GRM4: variants seen among roughly 807,000 people sequenced by gnomAD.
GRM4 encodes the protein metabotropic glutamate receptor 4.
Under a neutral mutation model 81.7 loss-of-function variants are expected in GRM4, and 28 were observed. That is an observed-to-expected ratio of 0.34 (90% CI 0.25 to 0.47). The LOEUF is 0.47. GRM4 is among the 20% of genes least tolerant of loss of function. The pLI is 1.00. For missense variants in GRM4, 948 were observed against 1,290.0 expected, an observed-to-expected ratio of 0.73 and a Z score of 4.06; for synonymous variants, 488 against 528.8, an observed-to-expected ratio of 0.92 and a Z score of 1.06.
At chr6:34,096,421 C>G (rs917501306) in intron 2 of GRM4, among the ~76,000 whole-genome samples, 5 of 152,238 alleles carry the variant, frequency 3.3e-5, no homozygotes, top group Non-Finnish European at 5.9e-5. Flanking sequence ...TAGCCTCCCA[C>G]AGCACTGAAT....
Position 34,114,757 on chromosome 6 carries a change from T to A in GRM4, c.519+18221A>T, listed in dbSNP as rs79044321. Among the ~76,000 whole-genome samples the A allele has an allele frequency of 0.017, 2,592 of 152,116 alleles. 57 individuals carry two copies. The highest frequency in any genetic ancestry group is 0.048 in the African/African-American group (2,003 of 41,476). On this transcript the variant is annotated intron_variant, in intron 2 of 10. Coordinates refer to ENST00000538487, the MANE Select transcript of GRM4 (RefSeq NM_000841.4). The surrounding 1 kb of genome is among the most constrained non-coding windows in gnomAD (Gnocchi z 4.3). The stretch of plus-strand genomic sequence containing the variant: ...TCCTCTGAGCCCCTAGACCCTCACC[T>A]GTACCCCCTCACAGCCCTCCCATAC...
rs1769382621 is a variant in GRM4, at chr6:34,111,498, CT to C, written c.520-19400del. Among the ~76,000 whole-genome samples, 1 of 152,238 alleles carries C rather than the reference CT, an allele frequency of 6.6e-6. No homozygotes were observed. Among genetic ancestry groups the C allele is most frequent in the Admixed American group, 6.5e-5 (1 of 15,286 alleles). On this transcript the variant is annotated intron_variant, in intron 2 of 10. Transcript: ENST00000538487. The surrounding 1 kb of genome is among the most constrained non-coding windows in gnomAD (Gnocchi z 5.1). Reference sequence around the variant, plus strand: ...ACAAGAGAGTGTTCATAACCCACCCCTGATCTTGCCATCCTGCCCAGCTGCC... The same window carrying C: ...ACAAGAGAGTGTTCATAACCCACCCCGATCTTGCCATCCTGCCCAGCTGCC...
chr6:34,051,568 G>A (rs575599975), intron 6 of GRM4, among the ~76,000 whole-genome samples: 1 of 152,268 alleles, frequency 6.6e-6, no homozygotes, highest in African/African-American at 2.4e-5. Flanking sequence ...CTGTCAAAAA[G>A]ACGGATGCCA....
Position 34,078,334 on chromosome 6 carries a change from C to G in GRM4, c.736+13549G>C, listed in dbSNP as rs1029378541. Among the ~76,000 whole-genome samples the G allele has an allele frequency of 6.6e-6, 1 of 152,096 alleles. No individual in the cohort carries two copies. The highest frequency in any genetic ancestry group is 1.5e-5 in the Non-Finnish European group (1 of 68,016). On this transcript the variant is annotated intron_variant, in intron 3 of 10. Transcript: ENST00000538487. This position sits in a 1 kb window ranked among gnomAD's most constrained non-coding sequence, Gnocchi z 4.8. ...CATTGCACAGCCCCTCATGTTCACA[C>G]AGCACTCCCAGTAGAGTAACCTTTC...
intron 9 of GRM4, among the ~76,000 whole-genome samples, chr6:34,033,896 C>A (rs1404748531): frequency 6.8e-6 from 1 of 147,354 alleles, no homozygotes; most frequent in Non-Finnish European, 1.5e-5. Context: ...AGCCACCATG[C>A]CTGGCTACGT....
chr6:34,097,453 G>A (rs879935784), intron 2 of GRM4, among the ~76,000 whole-genome samples: 2 of 2,128 alleles, frequency 9.4e-4, no homozygotes, highest in Non-Finnish European at 2.9e-3. Context: ...GTGTGTGTGC[G>A]CGCGCATGTG....
At position 34,080,849 on chromosome 6, in the gene GRM4, C is replaced by T; in HGVS notation, c.736+11034G>A. ...TCTCTCTCACACACACACACACATACACACACACATACACATACATATACA... is the reference window on the plus strand; with the variant it reads ...TCTCTCTCACACACACACACACATATACACACACATACACATACATATACA... On this transcript the variant is annotated intron_variant, in intron 3 of 10. Coordinates refer to ENST00000538487, the MANE Select transcript of GRM4 (RefSeq NM_000841.4). This position sits in a 1 kb window ranked among gnomAD's most constrained non-coding sequence, Gnocchi z 5.4. 1.0e-5 allele frequency among the ~76,000 whole-genome samples: 1 copy of T among 99,322 alleles called. No homozygotes were observed. The highest frequency in any genetic ancestry group is 3.7e-4 in the East Asian group (1 of 2,672). The allele number at this position is 99,322 out of a possible 152,430, so 65.2% of individuals were successfully genotyped here.
At chr6:34,144,086 G>A (rs1770815767) in intron 1 of GRM4, among the ~76,000 whole-genome samples, 1 of 152,206 alleles carries the variant, frequency 6.6e-6, no homozygotes, top group Non-Finnish European at 1.5e-5. Context: ...GAAGCAAGGC[G>A]CCTCCTCCGA....
In GRM4 at chr6:34,036,425, T is replaced by C. The variant is rs1764715428; in HGVS notation, c.1685A>G (p.Tyr562Cys). 4 of 1,613,294 alleles carry C rather than the reference T, an allele frequency of 2.5e-6. No homozygotes were observed. The highest frequency in any genetic ancestry group is 3.4e-6 in the Non-Finnish European group (4 of 1,179,570). Residue 562 changes from tyrosine to cysteine, a missense_variant, in exon 9 of 11, where the codon TAT becomes TGT. By Grantham distance (194) the Tyr-to-Cys change is radical. Transcript: ENST00000538487. This position sits in a 1 kb window ranked among gnomAD's most constrained non-coding sequence, Gnocchi z 9.0. ...VDRYTCKTCP[Y>C]DMRPTENRTG... ...GCGGTTCTCTGTGGGCCGCATGTCA[T>C]AGGGACACGTCTTACAGGTGTAGCG... is the stretch of plus-strand genomic sequence containing the variant.
chr6:34,046,868 G>T (rs1021366530), intron 6 of GRM4, among the ~76,000 whole-genome samples: 1 of 152,174 alleles, frequency 6.6e-6, no homozygotes, highest in African/African-American at 2.4e-5. Context: ...GGGTGAGCAT[G>T]AGCCACAAAT....
intron 2 of GRM4, among the ~76,000 whole-genome samples, chr6:34,112,934 G>A (rs895030688): frequency 1.3e-5 from 2 of 152,218 alleles, no homozygotes; most frequent in African/African-American, 4.8e-5. Flanking sequence ...TTTCGCCAGG[G>A]CCATCTTTTG....
intron 2 of GRM4, among the ~76,000 whole-genome samples, chr6:34,107,587 A>C (rs1769187599): frequency 6.6e-6 from 1 of 152,156 alleles, no homozygotes; most frequent in Non-Finnish European, 1.5e-5. Context: ...AGAAGGCAGC[A>C]TTACGCTGAC....
At chr6:34,103,361 G>A (rs1024441991) in intron 2 of GRM4, among the ~76,000 whole-genome samples, 1 of 152,162 alleles carries the variant, frequency 6.6e-6, no homozygotes, top group Non-Finnish European at 1.5e-5. Flanking sequence ...AGAGGGGCCC[G>A]ATAAGGCCCA....
At position 34,152,748 on chromosome 6, in the gene GRM4, C is replaced by A. The variant is rs1240143844; in HGVS notation, c.312+2331G>T. Among the ~76,000 whole-genome samples the A allele has an allele frequency of 1.3e-5, 2 of 152,136 alleles. No individual in the cohort carries two copies. Among genetic ancestry groups the A allele is most frequent in the African/African-American group, 4.8e-5 (2 of 41,426 alleles). ...CATCAGAATGAGGGTAGAAAAGAAT[C>A]TTTAATTCATCAAACTGAAATATTA... is the stretch of plus-strand genomic sequence containing the variant. On this transcript the variant is annotated intron_variant, in intron 1 of 8. Coordinates refer to the GRM4 transcript ENST00000374177. The surrounding 1 kb of genome is among the most constrained non-coding windows in gnomAD (Gnocchi z 4.1).
intron 3 of GRM4, among the ~76,000 whole-genome samples, chr6:34,073,410 C>G (rs1325913230): frequency 6.9e-6 from 1 of 145,846 alleles, no homozygotes; most frequent in Non-Finnish European, 1.5e-5. Context: ...CACACAGTCA[C>G]ATACACACCA....
intron 9 of GRM4, among the ~76,000 whole-genome samples, chr6:34,029,463 T>C (rs964960551): frequency 6.6e-6 from 1 of 152,092 alleles, no homozygotes; most frequent in Non-Finnish European, 1.5e-5. Context: ...AGGGACCAGG[T>C]CTTCCCATTC....
intron 1 of GRM4, among the ~76,000 whole-genome samples, chr6:34,135,721 G>C (rs920019517): frequency 3.3e-5 from 5 of 152,234 alleles, no homozygotes; most frequent in Non-Finnish European, 7.3e-5. Flanking sequence ...GTCCTAGATG[G>C]CTATGCATAG....
chr6:34,105,323 C>A (rs1769066221), intron 2 of GRM4, among the ~76,000 whole-genome samples: 1 of 152,074 alleles, frequency 6.6e-6, no homozygotes, highest in African/African-American at 2.4e-5. Flanking sequence ...GAGTCAAAAA[C>A]CAGCTTGGAA....
intron 1 of GRM4, among the ~76,000 whole-genome samples, chr6:34,135,615 G>A (rs542454252): frequency 6.6e-6 from 1 of 152,290 alleles, no homozygotes; most frequent in East Asian, 1.9e-4. Flanking sequence ...TTTGAGGAAG[G>A]CTTAAGAGCC....
Sources: gnomAD v4.1 joint callset for allele counts (sites outside exome capture counted in the v4.1 genomes callset) on GRCh38, gnomAD v4.1.1 for gene constraint, Gnocchi (gnomAD v3.1) non-coding constraint, MANE v1.5 for transcripts, NCBI Gene and HGNC (gene_info 2026-07-23, HGNC 2026-07-21) for gene names.